SH3KBP1: variants seen among roughly 807,000 people sequenced by gnomAD.
SH3KBP1 encodes the protein SH3 domain containing kinase binding protein 1.
In SH3KBP1, 8 loss-of-function variants were observed where a neutral mutation model predicts 50.1. That is an observed-to-expected ratio of 0.16 (90% CI 0.09 to 0.29). The LOEUF is 0.29. Ranked by LOEUF, SH3KBP1 falls within the 10% of genes least tolerant of loss-of-function variation. SH3KBP1 has a pLI of 1.00. For missense variants in SH3KBP1, 377 were observed against 535.2 expected, an observed-to-expected ratio of 0.70 and a Z score of 2.92; for synonymous variants, 227 against 218.6, an observed-to-expected ratio of 1.04 and a Z score of -0.34.
intron 2 of SH3KBP1, among the ~76,000 whole-genome samples, chrX:19,752,132 A>T (rs1488913874): frequency 8.9e-6 from 1 of 112,228 alleles, no homozygotes; most frequent in Non-Finnish European, 1.9e-5. Context: ...TTCATCCTTT[A>T]CTTCTTTCAC....
intron 2 of SH3KBP1, among the ~76,000 whole-genome samples, chrX:19,755,398 C>T (rs1390585216): frequency 9.0e-6 from 1 of 111,526 alleles, no homozygotes; most frequent in Non-Finnish European, 1.9e-5. Context: ...AAATAAATTA[C>T]AGAAAACTAA....
chrX:19,639,780 C>G (rs1033765126), intron 7 of SH3KBP1, among the ~76,000 whole-genome samples: 2 of 110,379 alleles, frequency 1.8e-5, no homozygotes, highest in African/African-American at 6.6e-5. Context: ...CCCAAATCCC[C>G]AGGCCCAAGA....
intron 1 of SH3KBP1, among the ~76,000 whole-genome samples, chrX:19,842,851 A>G (rs1164705335): frequency 1.8e-5 from 2 of 110,606 alleles, no homozygotes; most frequent in Non-Finnish European, 3.8e-5. Context: ...GAAGCTGCCC[A>G]GTTGCCATCT....
intron 14 of SH3KBP1, among the ~76,000 whole-genome samples, chrX:19,547,556 C>T (rs2065122406): frequency 8.9e-6 from 1 of 112,130 alleles, no homozygotes; most frequent in African/African-American, 3.2e-5. Flanking sequence ...CCTAGAATAA[C>T]GTTTCCCCCA....
intron 3 of SH3KBP1, among the ~76,000 whole-genome samples, chrX:19,708,620 C>T (rs1008787166): frequency 4.5e-5 from 5 of 111,622 alleles, no homozygotes; most frequent in Admixed American, 2.8e-4. Context: ...AAATCAAGTA[C>T]CCTGTACCAT....
intron 2 of SH3KBP1, among the ~76,000 whole-genome samples, chrX:19,787,394 G>A (rs1191762657): frequency 8.9e-6 from 1 of 112,004 alleles, no homozygotes; most frequent in Non-Finnish European, 1.9e-5. Flanking sequence ...CCTTATTCAT[G>A]ATTCACAGGT....
intron 8 of SH3KBP1, among the ~76,000 whole-genome samples, chrX:19,616,853 C>T (rs1202340252): frequency 1.8e-5 from 2 of 111,290 alleles, no homozygotes; most frequent in East Asian, 5.6e-4. Flanking sequence ...CTCTGCTTAG[C>T]TAGAACTCTA....
chrX:19,694,403 G>A (rs761890322), intron 5 of SH3KBP1, among the ~76,000 whole-genome samples: 7 of 111,241 alleles, frequency 6.3e-5, no homozygotes, highest in African/African-American at 2.0e-4. Flanking sequence ...GCTGGGCCAT[G>A]TTAATAGAGA....
chrX:19,666,249 C>T (rs144401662), intron 6 of SH3KBP1, among the ~76,000 whole-genome samples: 2,142 of 111,213 alleles, frequency 0.019, 33 homozygotes, highest in African/African-American at 0.052. Flanking sequence ...AAGATACCAT[C>T]GCTTAGAATT....
chrX:19,796,744 T>C (rs1309216170), intron 2 of SH3KBP1, among the ~76,000 whole-genome samples: 2 of 112,461 alleles, frequency 1.8e-5, no homozygotes, highest in African/African-American at 6.5e-5. Flanking sequence ...GCAAATCACG[T>C]TGAAGACAGG....
At chrX:19,793,313 A>AAAAAAAAAAT (rs1418807395) in intron 2 of SH3KBP1, among the ~76,000 whole-genome samples, 7 of 96,985 alleles carry the variant, frequency 7.2e-5, no homozygotes, top group African/African-American at 2.7e-4. Flanking sequence ...AGGAAAAAAA[A>AAAAAAAAAAT]ATATATATAT....
At chrX:19,544,235 C>T (rs894484421) in intron 15 of SH3KBP1, among the ~76,000 whole-genome samples, 2 of 111,128 alleles carry the variant, frequency 1.8e-5, no homozygotes, top group African/African-American at 3.3e-5. Context: ...AATAGCGCTC[C>T]GCCAGCCTGT....
chrX:19,778,356 A>T (rs1439879923), intron 2 of SH3KBP1, among the ~76,000 whole-genome samples: 1 of 104,675 alleles, frequency 9.6e-6, no homozygotes, highest in African/African-American at 3.5e-5. Context: ...GCTTGAACCC[A>T]GGAGGCTGAG....
At chrX:19,638,092 C>CAA (rs760527076) in intron 7 of SH3KBP1, among the ~76,000 whole-genome samples, 2 of 98,279 alleles carry the variant, frequency 2.0e-5, no homozygotes, top group African/African-American at 3.8e-5. Context: ...CAAAACAAAA[C>CAA]AAAAAAAAAC....
chrX:19,826,265 T>C (rs1351587410), intron 2 of SH3KBP1, among the ~76,000 whole-genome samples: 1 of 112,063 alleles, frequency 8.9e-6, no homozygotes, highest in African/African-American at 3.2e-5. Context: ...TTTGTGACAA[T>C]ATTCCATTCA....
At chrX:19,634,148 CACAGAGAGAGAGAGACATGGAGAG>C (rs1483548492) in intron 7 of SH3KBP1, among the ~76,000 whole-genome samples, 3 of 100,174 alleles carry the variant, frequency 3.0e-5, no homozygotes, top group African/African-American at 1.1e-4. Flanking sequence ...CACAGAGAGA[CACAGAGAGAGAGAGACATGGAGAG>C]ACAGAGAGAG....
intron 2 of SH3KBP1, among the ~76,000 whole-genome samples, chrX:19,812,262 A>T (rs1459054852): frequency 9.0e-6 from 1 of 111,418 alleles, no homozygotes; most frequent in Non-Finnish European, 1.9e-5. Flanking sequence ...CATACACCTC[A>T]TTCCACAAAT....
chrX:19,661,773 T>C (rs1000022578), intron 6 of SH3KBP1, among the ~76,000 whole-genome samples: 7 of 109,150 alleles, frequency 6.4e-5, no homozygotes, highest in African/African-American at 2.0e-4. Flanking sequence ...ATTACAGGCA[T>C]GCGCCACCAC....
At chrX:19,719,880 C>CAAT (rs763492303) in intron 3 of SH3KBP1, among the ~76,000 whole-genome samples, 18 of 97,240 alleles carry the variant, frequency 1.9e-4, no homozygotes, top group Middle Eastern at 5.0e-3. Context: ...ATAATAATAA[C>CAAT]AATAATAATA....
Sources: allele counts gnomAD v4.1 joint callset (sites outside exome capture counted in the v4.1 genomes callset), GRCh38; gene constraint gnomAD v4.1.1; transcripts MANE v1.5; gene names NCBI Gene and HGNC (gene_info 2026-07-23, HGNC 2026-07-21).